P2RY8: variants seen among roughly 807,000 people sequenced by gnomAD.
P2RY8 encodes the protein P2Y receptor family member 8.
In P2RY8, 6 loss-of-function variants were observed where a neutral mutation model predicts 10.0. The ratio of observed to expected loss-of-function variants is 0.60; its 90% CI spans 0.33 to 1.19. The LOEUF is 1.19. P2RY8 is among the 50% of genes most tolerant of loss of function. The pLI, the probability that P2RY8 is intolerant of heterozygous loss-of-function variation, is 0.04. For synonymous variants in P2RY8, 276 were observed against 252.5 expected (o/e 1.09, Z -0.88); for missense variants, 456 against 542.0 (o/e 0.84, Z 1.58).
intron 1 of P2RY8, among the ~76,000 whole-genome samples, chrX:1,506,813 G>C (rs1246575696): frequency 6.6e-6 from 1 of 151,912 alleles, no homozygotes; most frequent in African/African-American, 2.4e-5. Flanking sequence ...GAGTACCTGG[G>C]ATTACAGGCA....
intron 1 of P2RY8, among the ~76,000 whole-genome samples, chrX:1,530,854 G>A (rs1321871414): frequency 6.7e-6 from 1 of 149,618 alleles, no homozygotes; most frequent in African/African-American, 2.4e-5. Flanking sequence ...CTATATCTAT[G>A]TATGTATTGT....
chrX:1,531,569 C>T (rs753262976), intron 1 of P2RY8, among the ~76,000 whole-genome samples: 1 of 152,246 alleles, frequency 6.6e-6, no homozygotes, highest in African/African-American at 2.4e-5. Context: ...TCATCCGAAA[C>T]CAACACAGCC....
chrX:1,489,206 T>TAG (rs2092017192), intron 1 of P2RY8, among the ~76,000 whole-genome samples: 1 of 150,258 alleles, frequency 6.7e-6, no homozygotes, highest in Admixed American at 6.6e-5. Context: ...TCGGCAAATG[T>TAG]AGAGAGAATG....
intron 1 of P2RY8, among the ~76,000 whole-genome samples, chrX:1,476,592 GAA>G (rs59126504): frequency 4.0e-4 from 57 of 142,026 alleles, no homozygotes; most frequent in Admixed American, 2.2e-3. Context: ...GCCTCAAAAA[GAA>G]AAAAAAAAAA....
intron 1 of P2RY8, among the ~76,000 whole-genome samples, chrX:1,506,470 T>C (rs1200460048): frequency 6.6e-6 from 1 of 152,060 alleles, no homozygotes; most frequent in Admixed American, 6.6e-5. Flanking sequence ...TCTTTGTCCT[T>C]TCCATTGAGA....
chrX:1,524,372 C>T (rs867645102), intron 1 of P2RY8, among the ~76,000 whole-genome samples: 1,663 of 101,612 alleles, frequency 0.016, 95 homozygotes, highest in African/African-American at 0.041. Context: ...CATCCATCCA[C>T]TCATCCATCC....
chrX:1,530,269 TTATCTATCTATCTATCTATC>T (rs770613678), intron 1 of P2RY8, among the ~76,000 whole-genome samples: 4 of 148,280 alleles, frequency 2.7e-5, no homozygotes, highest in Non-Finnish European at 3.0e-5. Flanking sequence ...ATCATCACCA[TTATCTATCTATCTATCTATC>T]TATCTATCTA....
chrX:1,477,788 G>C (rs2091892119), intron 1 of P2RY8, among the ~76,000 whole-genome samples: 1 of 152,182 alleles, frequency 6.6e-6, no homozygotes, highest in Non-Finnish European at 1.5e-5. Flanking sequence ...GACAAGAGCA[G>C]CCTTCAACAA....
rs1320206075 is a variant in P2RY8, at chrX:1,464,148, G to A, written c.*1331C>T. ...CACCCACTGCGGAGACGCAGAGCCC[G>A]TGGGCAGACAGGCAGCTCTCCCACT... On this transcript the variant is annotated 3_prime_UTR_variant, in exon 2 of 2. Coordinates refer to ENST00000381297, the MANE Select transcript of P2RY8 (RefSeq NM_178129.5). 3.0e-5 allele frequency: 7 copies of A among 233,214 alleles called. No homozygotes were observed. The highest frequency in any genetic ancestry group is 5.1e-5 in the Non-Finnish European group (6 of 118,096). 14.4% of individuals were successfully genotyped at this position (233,214 alleles called of 1,614,324 possible).
Position 1,465,896 on chromosome X carries a change from CA to C in P2RY8, c.662del (p.Leu221CysfsTer42). 1 of 1,612,566 alleles carries C rather than the reference CA, an allele frequency of 6.2e-7. No homozygotes were observed. The highest frequency in any genetic ancestry group is 8.5e-7 in the Non-Finnish European group (1 of 1,179,738). ...CCCGGCCGTGCGCCTCCTCCGTGCG[CA>C]ACAGCTTGAGGATGGTGGCCGTGTA... is the stretch of plus-strand genomic sequence containing the variant. ...ACYTATILKLLRTEEAHGREQ... is the reference protein window; with the variant it reads ...ACYTATILKLXRTEEAHGREQ... On this transcript the variant is annotated frameshift_variant, in exon 2 of 2. Coordinates refer to ENST00000381297, the MANE Select transcript of P2RY8 (RefSeq NM_178129.5). LOFTEE classifies it high-confidence loss of function.
At chrX:1,474,997 G>T (rs1389464708) in intron 1 of P2RY8, among the ~76,000 whole-genome samples, 2 of 150,102 alleles carry the variant, frequency 1.3e-5, no homozygotes, top group Non-Finnish European at 3.0e-5. Flanking sequence ...TGGGAGGATG[G>T]GTGAATGGAT....
chrX:1,524,570 C>A (rs1226483606), intron 1 of P2RY8, among the ~76,000 whole-genome samples: 1 of 140,714 alleles, frequency 7.1e-6, no homozygotes, highest in Non-Finnish European at 1.6e-5. Flanking sequence ...TCCATCCATC[C>A]ATCCATCCAT....
intron 1 of P2RY8, among the ~76,000 whole-genome samples, chrX:1,535,044 C>T (rs1418566863): frequency 6.6e-6 from 1 of 152,012 alleles, no homozygotes; most frequent in East Asian, 1.9e-4. Flanking sequence ...CCTCTCTCAG[C>T]CTCTGACCTA....
chrX:1,479,329 G>T (rs749350715), intron 1 of P2RY8, among the ~76,000 whole-genome samples: 1 of 152,194 alleles, frequency 6.6e-6, no homozygotes, highest in Non-Finnish European at 1.5e-5. Flanking sequence ...CCACAGTGAG[G>T]GGATTTGGAT....
chrX:1,523,233 G>T (rs2092406104), intron 1 of P2RY8, among the ~76,000 whole-genome samples: 1 of 152,052 alleles, frequency 6.6e-6, no homozygotes. Flanking sequence ...CCAGGTGAGG[G>T]TGTGCCTTCC....
chrX:1,484,870 C>G (rs2091973168), intron 1 of P2RY8, among the ~76,000 whole-genome samples: 2 of 151,382 alleles, frequency 1.3e-5, no homozygotes, highest in African/African-American at 4.9e-5. Context: ...GGTGTGTCCT[C>G]AAATAGTTAA....
At chrX:1,510,414 C>A (rs2092290527) in intron 1 of P2RY8, among the ~76,000 whole-genome samples, 2 of 152,144 alleles carry the variant, frequency 1.3e-5, no homozygotes, top group South Asian at 2.1e-4. Context: ...TGAAGCTCGT[C>A]CAGCTCACAG....
intron 1 of P2RY8, among the ~76,000 whole-genome samples, chrX:1,527,821 C>T (rs1332559745): frequency 6.6e-6 from 1 of 152,208 alleles, no homozygotes; most frequent in Non-Finnish European, 1.5e-5. Flanking sequence ...CTCATTCATT[C>T]ATTTATTCAT....
chrX:1,479,682 T>C (rs1398001403), intron 1 of P2RY8, among the ~76,000 whole-genome samples: 1 of 152,056 alleles, frequency 6.6e-6, no homozygotes, highest in Non-Finnish European at 1.5e-5. Flanking sequence ...AGCAAGTCAA[T>C]AGACAAAAAT....
Sources: gnomAD v4.1 joint callset for allele counts (sites outside exome capture counted in the v4.1 genomes callset) on GRCh38, gnomAD v4.1.1 for gene constraint, MANE v1.5 for transcripts, NCBI Gene and HGNC (gene_info 2026-07-23, HGNC 2026-07-21) for gene names.